The following BAIAP2 variants were observed in gnomAD, a reference collection of about 807,000 sequenced individuals.
The protein encoded by BAIAP2 is BAR/IMD domain containing adaptor protein 2, also known as BAR/IMD domain-containing adapter protein 2.
Under a neutral mutation model 63.0 loss-of-function variants are expected in BAIAP2, and 18 were observed. That is an observed-to-expected ratio of 0.29 (90% CI 0.20 to 0.42). The LOEUF is 0.42. BAIAP2 is among the 10% of genes least tolerant of loss of function. BAIAP2 has a pLI of 1.00. For synonymous variants in BAIAP2, 386 were observed against 307.6 expected (o/e 1.25, Z -2.67); for missense variants, 610 against 734.3 (o/e 0.83, Z 1.96).
At chr17:81,109,388 A>AGG (rs2059613178) in intron 13 of BAIAP2, 1 of 879,758 alleles carries the variant, frequency 1.1e-6, no homozygotes, top group South Asian at 5.6e-5. Context: ...AAAAAAAAAA[A>AGG]AAAAAAAGAA....
chr17:81,067,172 C>T (rs371777985), intron 3 of BAIAP2, among the ~76,000 whole-genome samples: 1 of 152,256 alleles, frequency 6.6e-6, no homozygotes, highest in South Asian at 2.1e-4. Context: ...CCTTCCCCCC[C>T]ACACTATTCC....
At chr17:81,108,197 T>TG (rs1241797528) in intron 12 of BAIAP2, 1 of 520,424 alleles carries the variant, frequency 1.9e-6, no homozygotes, top group Non-Finnish European at 3.4e-6. Flanking sequence ...CGGCCAGTCT[T>TG]GCATCTGTTT....
intron 3 of BAIAP2, among the ~76,000 whole-genome samples, chr17:81,081,521 C>T (rs894628531): frequency 1.3e-5 from 2 of 152,178 alleles, no homozygotes; most frequent in Admixed American, 6.5e-5. Context: ...TGCTGCTGGC[C>T]GTGCTCCCGT....
At chr17:81,102,935 G>A (rs2145882329) in intron 7 of BAIAP2, among the ~76,000 whole-genome samples, 1 of 152,344 alleles carries the variant, frequency 6.6e-6, no homozygotes, top group Admixed American at 6.5e-5. Context: ...CTTTCTCCAT[G>A]CCTGTGGCTT....
chr17:81,108,014 G>A, intron 12 of BAIAP2: 1 of 180,498 alleles, frequency 5.5e-6, no homozygotes, highest in Non-Finnish European at 1.2e-5. Flanking sequence ...CCTCCCAGGG[G>A]CCGGGATGGT....
Position 81,099,924 on chromosome 17 carries a change from A to T in BAIAP2, c.490-4A>T, listed in dbSNP as rs772801751. On this transcript the variant is annotated splice_polypyrimidine_tract_variant and splice_region_variant and intron_variant, in intron 6 of 13. Coordinates refer to ENST00000428708, the MANE Select transcript of BAIAP2 (RefSeq NM_001144888.2). ...GCTGAGCCTTTCTCCCTTTCCCTCC[A>T]CAGTACATCGACGCCATCAGCAACA... 2 of 1,612,210 alleles carry T rather than the reference A, an allele frequency of 1.2e-6. No individual in the cohort carries two copies. Among genetic ancestry groups the T allele is most frequent in the Non-Finnish European group, 1.7e-6 (2 of 1,179,384 alleles).
At chr17:81,090,346 C>G (rs935082247) in intron 6 of BAIAP2, among the ~76,000 whole-genome samples, 4 of 151,864 alleles carry the variant, frequency 2.6e-5, no homozygotes, top group African/African-American at 9.7e-5. Context: ...TGGGGGCTCT[C>G]CTGGACGGAC....
chr17:81,063,732 T>G (rs1353684552), intron 3 of BAIAP2: 1 of 152,380 alleles, frequency 6.6e-6, no homozygotes, highest in African/African-American at 2.4e-5. Context: ...AGTCTTATTT[T>G]TGGTTCGTTT....
chr17:81,081,351 G>GC (rs963344844), intron 3 of BAIAP2, among the ~76,000 whole-genome samples: 1 of 152,174 alleles, frequency 6.6e-6, no homozygotes, highest in African/African-American at 2.4e-5. Context: ...AGGGCAGTCT[G>GC]CCCCCGGCCT....
chr17:81,052,399 G>A (rs1038928770), intron 1 of BAIAP2, among the ~76,000 whole-genome samples: 11 of 152,370 alleles, frequency 7.2e-5, no homozygotes, highest in Non-Finnish European at 1.3e-4. Context: ...GGGCTAGCAC[G>A]CAAAGGCGCC....
intron 6 of BAIAP2, among the ~76,000 whole-genome samples, chr17:81,098,994 A>ATCCCCCCC: frequency 4.9e-5 from 1 of 20,594 alleles, no homozygotes; most frequent in African/African-American, 2.1e-4. Context: ...CCATCCCCCC[A>ATCCCCCCC]TCCCCCCATC....
chr17:81,071,881 T>C (rs1568114850), intron 3 of BAIAP2, among the ~76,000 whole-genome samples: 1 of 152,222 alleles, frequency 6.6e-6, no homozygotes. Context: ...TCCTCCAGCG[T>C]GGCACGGAGG....
At chr17:81,093,836 T>C (rs917394917) in intron 6 of BAIAP2, among the ~76,000 whole-genome samples, 2 of 152,170 alleles carry the variant, frequency 1.3e-5, no homozygotes, top group African/African-American at 2.4e-5. Context: ...GCAGGGCCGG[T>C]GATCGCCAGC....
At chr17:81,106,963 C>T (rs915065469) in intron 12 of BAIAP2, 56 bp downstream of exon 12, 17 of 1,456,024 alleles carry the variant, frequency 1.2e-5, no homozygotes, top group African/African-American at 2.9e-5. Context: ...GTGGGCTCAG[C>T]CTGCAGTCCC....
At chr17:81,096,741 C>T (rs1020261115) in intron 6 of BAIAP2, among the ~76,000 whole-genome samples, 5 of 152,264 alleles carry the variant, frequency 3.3e-5, no homozygotes, top group Admixed American at 2.6e-4. Flanking sequence ...CAGTATGTGG[C>T]GTCCTGGCCA....
intron 1 of BAIAP2, among the ~76,000 whole-genome samples, chr17:81,051,975 C>T (rs1185104868): frequency 2.6e-5 from 4 of 152,246 alleles, no homozygotes; most frequent in Non-Finnish European, 5.9e-5. Flanking sequence ...TACGTGCGAG[C>T]CACCGCATCT....
At chr17:81,063,787 G>A (rs1251189890) in intron 3 of BAIAP2, 1 of 152,300 alleles carries the variant, frequency 6.6e-6, no homozygotes, top group African/African-American at 2.4e-5. Flanking sequence ...TTCAGCCCCG[G>A]GGACGTTGCT....
At chr17:81,067,774 A>G (rs1347085827) in intron 3 of BAIAP2, among the ~76,000 whole-genome samples, 3 of 152,224 alleles carry the variant, frequency 2.0e-5, no homozygotes, top group Non-Finnish European at 4.4e-5. Flanking sequence ...CCACAGCGTC[A>G]GGCCTCAGCC....
At chr17:81,114,763 G>C (rs2060325443) in intron 13 of BAIAP2, among the ~76,000 whole-genome samples, 1 of 152,106 alleles carries the variant, frequency 6.6e-6, no homozygotes, top group Non-Finnish European at 1.5e-5. Flanking sequence ...GCCCACCCCA[G>C]GGTTTGCTTC....
Sources: gnomAD v4.1 joint callset for allele counts (sites outside exome capture counted in the v4.1 genomes callset) on GRCh38, gnomAD v4.1.1 for gene constraint, MANE v1.5 for transcripts, NCBI Gene and HGNC (gene_info 2026-07-23, HGNC 2026-07-21) for gene names.